The following SVOPL variants were observed in gnomAD, a reference collection of about 807,000 sequenced individuals.
SVOPL encodes putative transporter SVOPL.
SVOPL carries 60 observed loss-of-function variants against 61.0 expected under a neutral mutation model. That is an observed-to-expected ratio of 0.98 (90% CI 0.80 to 1.22). The LOEUF is 1.22. SVOPL is among the 50% of genes most tolerant of loss of function. The pLI is 0.00. For synonymous variants in SVOPL, 279 were observed against 250.0 expected (o/e 1.12, Z -1.09); for missense variants, 662 against 643.9 (o/e 1.03, Z -0.30).
rs1159184418 is a variant in SVOPL, at chr7:138,629,125, A to ATGTGTGTG, written c.864-763_864-762insCACACACA. 3.1e-3 allele frequency among the ~76,000 whole-genome samples: 199 copies of ATGTGTGTG among 64,242 alleles called. 1 individual carries two copies. Among genetic ancestry groups the ATGTGTGTG allele is most frequent in the African/African-American group, 0.015 (190 of 12,266 alleles). 42.1% of individuals were successfully genotyped at this position (64,242 alleles called of 152,430 possible). ...TGTCTAATATATAAGCATGTTTTATATATGTGTGTGTGTGTGTGTGTGTGT... is the reference window on the plus strand; with the variant it reads ...TGTCTAATATATAAGCATGTTTTATATGTGTGTGTATGTGTGTGTGTGTGTGTGTGTGT... On this transcript the variant is annotated intron_variant, in intron 10 of 15. Transcript: ENST00000674285.
At chr7:138,601,112 C>T (rs189923494) in intron 14 of SVOPL, among the ~76,000 whole-genome samples, 5 of 151,938 alleles carry the variant, frequency 3.3e-5, no homozygotes, top group East Asian at 1.9e-4. Context: ...ATTAGCCGGG[C>T]GTGGTGGCAG....
intron 9 of SVOPL, among the ~76,000 whole-genome samples, chr7:138,638,419 G>C (rs934659630): frequency 4.6e-5 from 7 of 151,594 alleles, no homozygotes; most frequent in Non-Finnish European, 8.8e-5. Flanking sequence ...TGACAATTTA[G>C]AAAAACTTAT....
At chr7:138,677,653 C>T (rs186600480) in intron 3 of SVOPL, among the ~76,000 whole-genome samples, 1 of 151,626 alleles carries the variant, frequency 6.6e-6, no homozygotes, top group Non-Finnish European at 1.5e-5. Context: ...AGTCTAGCAC[C>T]TTTTAAAGGT....
intron 15 of SVOPL, among the ~76,000 whole-genome samples, chr7:138,596,188 T>TAAAAAAAAAAAA (rs34972084): frequency 3.3e-5 from 4 of 120,324 alleles, no homozygotes; most frequent in Non-Finnish European, 5.1e-5. Flanking sequence ...GACTCTGTCT[T>TAAAAAAAAAAAA]AAAAAAAAAA....
chr7:138,655,634 ATAC>A (rs1801690736), intron 7 of SVOPL, among the ~76,000 whole-genome samples: 5 of 81,460 alleles, frequency 6.1e-5, no homozygotes, highest in Admixed American at 3.1e-4. Context: ...AAATGTATAT[ATAC>A]TATTATATAT....
At chr7:138,663,009 A>G in intron 5 of SVOPL, 65 bp downstream of exon 5, 1 of 1,609,926 alleles carries the variant, frequency 6.2e-7, no homozygotes, top group Middle Eastern at 1.7e-4. Flanking sequence ...AGAAACAGTG[A>G]TAAGGTTGCC....
chr7:138,615,941 G>A (rs193106585), intron 14 of SVOPL, among the ~76,000 whole-genome samples: 25 of 151,344 alleles, frequency 1.7e-4, no homozygotes, highest in African/African-American at 4.9e-4. Context: ...TCTCCAAGCC[G>A]AGAAGAGAGC....
intron 14 of SVOPL, among the ~76,000 whole-genome samples, chr7:138,611,887 G>C (rs1214613303): frequency 1.4e-5 from 1 of 73,118 alleles, no homozygotes; most frequent in African/African-American, 4.9e-5. Context: ...CACCCCGTCT[G>C]GGAGGTGTGC....
Position 138,621,149 on chromosome 7 carries a change from C to T in SVOPL, c.1264-14G>A. On this transcript the variant is annotated splice_polypyrimidine_tract_variant and intron_variant, in intron 13 of 15. Coordinates refer to ENST00000674285, the MANE Select transcript of SVOPL (RefSeq NM_001139456.2). ...GGTGGGGTAGACCTGCAGGGAGAGGCACGGAAAGTACCAGTCAGATAATGT... is the reference window on the plus strand; with the variant it reads ...GGTGGGGTAGACCTGCAGGGAGAGGTACGGAAAGTACCAGTCAGATAATGT... 6.2e-7 allele frequency: 1 copy of T among 1,610,080 alleles called. No individual in the cohort carries two copies. The highest frequency in any genetic ancestry group is 8.5e-7 in the Non-Finnish European group (1 of 1,178,006).
At chr7:138,613,115 G>A (rs2116829328) in intron 14 of SVOPL, among the ~76,000 whole-genome samples, 1 of 151,532 alleles carries the variant, frequency 6.6e-6, no homozygotes, top group African/African-American at 2.4e-5. Flanking sequence ...TGTCCCCAGG[G>A]TTCCAGCGAT....
chr7:138,687,637 A>G (rs1802849519), intron 1 of SVOPL, among the ~76,000 whole-genome samples: 1 of 151,338 alleles, frequency 6.6e-6, no homozygotes, highest in African/African-American at 2.4e-5. Flanking sequence ...AAACAAAAAA[A>G]TTGGACTTAA....
chr7:138,662,733 C>A (rs1802053898), intron 5 of SVOPL: 1 of 1,102,400 alleles, frequency 9.1e-7, no homozygotes, highest in East Asian at 6.4e-5. Flanking sequence ...TCTAACCAAC[C>A]CATGACTGCT....
intron 10 of SVOPL, among the ~76,000 whole-genome samples, chr7:138,629,469 G>T (rs913808118): frequency 2.0e-5 from 3 of 152,124 alleles, no homozygotes; most frequent in Admixed American, 6.6e-5. Context: ...CTGACCTCAG[G>T]TGATCCGCCT....
At chr7:138,645,268 A>C (rs1242255335) in intron 8 of SVOPL, among the ~76,000 whole-genome samples, 2 of 152,014 alleles carry the variant, frequency 1.3e-5, no homozygotes, top group African/African-American at 4.8e-5. Context: ...ACGGTGGAGG[A>C]ATCAGTTCTG....
chr7:138,637,503 T>TAG (rs1800554223), intron 9 of SVOPL, among the ~76,000 whole-genome samples: 1 of 32,298 alleles, frequency 3.1e-5, no homozygotes, highest in African/African-American at 1.1e-4. Flanking sequence ...TATATATATA[T>TAG]ATATATAGAT....
intron 14 of SVOPL, among the ~76,000 whole-genome samples, chr7:138,611,595 AT>A (rs1023563904): frequency 1.3e-5 from 2 of 151,922 alleles, no homozygotes; most frequent in Admixed American, 6.6e-5. Flanking sequence ...TTACGAGCTG[AT>A]TTTTTTTCCC....
chr7:138,689,502 C>A, intron 1 of SVOPL: 12 of 650,536 alleles, frequency 1.8e-5, no homozygotes, highest in South Asian at 6.9e-5. Flanking sequence ...CCAGAAGAAA[C>A]AAAAACTTAT....
chr7:138,637,554 C>G (rs74584452), intron 9 of SVOPL, among the ~76,000 whole-genome samples: 8,249 of 151,152 alleles, frequency 0.055, 271 homozygotes, highest in East Asian at 0.14. Flanking sequence ...ACACACACCC[C>G]CCAGAGCAAC....
intron 9 of SVOPL, among the ~76,000 whole-genome samples, chr7:138,638,782 G>C (rs911101826): frequency 3.3e-5 from 5 of 152,116 alleles, no homozygotes; most frequent in African/African-American, 1.2e-4. Context: ...CAATAGCTAA[G>C]GGCTACCTCT....
Sources: gnomAD v4.1 joint callset for allele counts (sites outside exome capture counted in the v4.1 genomes callset) on GRCh38, gnomAD v4.1.1 for gene constraint, MANE v1.5 for transcripts, NCBI Gene and HGNC (gene_info 2026-07-23, HGNC 2026-07-21) for gene names.